UBE2V2: variants seen among roughly 807,000 people sequenced by gnomAD.
UBE2V2 encodes the protein ubiquitin conjugating enzyme E2 V2.
In UBE2V2, 9 loss-of-function variants were observed where a neutral mutation model predicts 17.2. The ratio of observed to expected loss-of-function variants is 0.52; its 90% CI spans 0.32 to 0.91. UBE2V2 has a LOEUF of 0.91. Ranked by LOEUF, UBE2V2 falls within the 40% of genes least tolerant of loss-of-function variation. The pLI, the probability that UBE2V2 is intolerant of heterozygous loss-of-function variation, is 0.04. For missense variants in UBE2V2, 133 were observed against 182.6 expected, an observed-to-expected ratio of 0.73 and a Z score of 1.56; for synonymous variants, 61 against 57.5, an observed-to-expected ratio of 1.06 and a Z score of -0.28.
At chr8:48,055,854 G>A (rs2091568233) in intron 3 of UBE2V2, among the ~76,000 whole-genome samples, 1 of 150,984 alleles carries the variant, frequency 6.6e-6, no homozygotes, top group African/African-American at 2.4e-5. Context: ...TGCCTCCTGG[G>A]TTCATGCCAT....
intron 1 of UBE2V2, among the ~76,000 whole-genome samples, chr8:48,029,572 G>C (rs979513709): frequency 6.6e-6 from 1 of 152,158 alleles, no homozygotes; most frequent in Admixed American, 6.6e-5. Flanking sequence ...TTCTTTGGAA[G>C]TAGTATAATT....
intron 1 of UBE2V2, among the ~76,000 whole-genome samples, chr8:48,018,156 C>T (rs2091282912): frequency 6.6e-6 from 1 of 152,018 alleles, no homozygotes; most frequent in East Asian, 1.9e-4. Flanking sequence ...CCAATTTTGC[C>T]ACTTCTGTTC....
intron 1 of UBE2V2, among the ~76,000 whole-genome samples, chr8:48,012,940 G>A (rs1432185906): frequency 6.6e-6 from 1 of 151,626 alleles, no homozygotes; most frequent in Non-Finnish European, 1.5e-5. Flanking sequence ...CTGCCTCCTG[G>A]GTTCAAGTGA....
At chr8:48,047,587 T>C (rs1338172477) in intron 2 of UBE2V2, among the ~76,000 whole-genome samples, 2 of 151,992 alleles carry the variant, frequency 1.3e-5, no homozygotes, top group Non-Finnish European at 1.5e-5. Context: ...TGAGACAGTC[T>C]TGCTTTGCCA....
At chr8:48,054,177 C>G (rs2091557545) in intron 3 of UBE2V2, among the ~76,000 whole-genome samples, 1 of 152,186 alleles carries the variant, frequency 6.6e-6, no homozygotes, top group Admixed American at 6.6e-5. Context: ...TTCTTACTCT[C>G]AATTGCAATG....
At chr8:48,034,861 C>A in intron 1 of UBE2V2, 1 of 174,620 alleles carries the variant, frequency 5.7e-6, no homozygotes, top group Non-Finnish European at 1.1e-5. Flanking sequence ...GCTGGTTTCA[C>A]TTAGAGTCAC....
intron 2 of UBE2V2, among the ~76,000 whole-genome samples, chr8:48,048,848 T>C (rs537339745): frequency 6.6e-6 from 1 of 152,128 alleles, no homozygotes; most frequent in South Asian, 2.1e-4. Flanking sequence ...ATTAAATTTT[T>C]CACTTTCATT....
intron 3 of UBE2V2, among the ~76,000 whole-genome samples, chr8:48,051,943 T>G (rs1200475015): frequency 6.6e-6 from 1 of 152,220 alleles, no homozygotes; most frequent in Non-Finnish European, 1.5e-5. Context: ...CTCACAGTCC[T>G]CAGTTGGTCA....
At chr8:48,032,925 G>A (rs946210858) in intron 1 of UBE2V2, among the ~76,000 whole-genome samples, 2 of 152,116 alleles carry the variant, frequency 1.3e-5, no homozygotes, top group African/African-American at 4.8e-5. Flanking sequence ...CCTGAGTGTA[G>A]AACTGTGGTG....
At position 48,049,019 on chromosome 8, in the gene UBE2V2, A is replaced by G. The variant is rs535194882; in HGVS notation, c.166-834A>G. ...ACTTTGCTGTTTTAATGGTACACTAATAAGTTAACAGAGTGAACAAAAGCC... is the reference window on the plus strand; with the variant it reads ...ACTTTGCTGTTTTAATGGTACACTAGTAAGTTAACAGAGTGAACAAAAGCC... On this transcript the variant is annotated intron_variant, in intron 2 of 3. Transcript: ENST00000523111. Among the ~76,000 whole-genome samples the G allele has an allele frequency of 2.6e-5, 4 of 152,284 alleles. No individual in the cohort carries two copies. The East Asian group carries it at 7.7e-4, about 29-fold the overall frequency.
intron 1 of UBE2V2, among the ~76,000 whole-genome samples, chr8:48,016,529 C>A (rs1214853013): frequency 6.6e-6 from 1 of 151,952 alleles, no homozygotes; most frequent in Non-Finnish European, 1.5e-5. Flanking sequence ...GTTGCCCAGG[C>A]TGGAGTGCAA....
intron 1 of UBE2V2, among the ~76,000 whole-genome samples, chr8:48,025,840 TC>T (rs1198697265): frequency 6.6e-6 from 1 of 151,984 alleles, no homozygotes; most frequent in Non-Finnish European, 1.5e-5. Context: ...GACCTCGTGA[TC>T]CGCCTGCCTT....
chr8:48,024,040 G>T (rs2091322877), intron 1 of UBE2V2, among the ~76,000 whole-genome samples: 1 of 152,144 alleles, frequency 6.6e-6, no homozygotes, highest in Non-Finnish European at 1.5e-5. Flanking sequence ...TAAAGTCTTA[G>T]CTGATTTGTG....
intron 1 of UBE2V2, among the ~76,000 whole-genome samples, chr8:48,013,848 G>A (rs916989111): frequency 1.2e-4 from 18 of 152,156 alleles, no homozygotes; most frequent in African/African-American, 4.1e-4. Flanking sequence ...GCAGTGTTCT[G>A]AGTTCCCTGC....
rs71225699 is a variant in UBE2V2, at chr8:48,040,844, G to GTTTT, written c.17-2170_17-2167dup. ...GGTTTCATCATGTTGGCCAGGCTGG[G>GTTTT]TTTTTTTTTTTTTTTTTTTTTTGTG... On this transcript the variant is annotated intron_variant, in intron 1 of 3. Transcript: ENST00000523111. Among the ~76,000 whole-genome samples the GTTTT allele has an allele frequency of 6.6e-3, 490 of 74,122 alleles. 1 individual carries two copies. Among genetic ancestry groups the GTTTT allele is most frequent in the African/African-American group, 0.01 (190 of 18,612 alleles). The allele number at this position is 74,122 out of a possible 152,430, so 48.6% of individuals were successfully genotyped here. A position where few individuals can be genotyped will look rare whatever the true frequency, so the allele number is the denominator to read the frequency against.
chr8:48,009,323 T>TGGTG (rs999073851), intron 1 of UBE2V2, among the ~76,000 whole-genome samples: 6 of 150,588 alleles, frequency 4.0e-5, no homozygotes, highest in Non-Finnish European at 8.9e-5. Context: ...TGGAATGCAG[T>TGGTG]GGTGTGATCT....
At chr8:48,015,199 A>G (rs1382245915) in intron 1 of UBE2V2, among the ~76,000 whole-genome samples, 1 of 152,024 alleles carries the variant, frequency 6.6e-6, no homozygotes, top group Non-Finnish European at 1.5e-5. Context: ...GCAATACAAG[A>G]AAATCCCATC....
chr8:48,009,267 C>CTTTTTTTTT (rs143794770), intron 1 of UBE2V2, among the ~76,000 whole-genome samples: 1 of 133,802 alleles, frequency 7.5e-6, no homozygotes, highest in African/African-American at 2.7e-5. Flanking sequence ...CTTTTCTTTT[C>CTTTTTTTTT]TTTTTTTTTT....
intron 1 of UBE2V2, among the ~76,000 whole-genome samples, chr8:48,041,562 C>T (rs956266513): frequency 6.6e-6 from 1 of 152,092 alleles, no homozygotes; most frequent in Non-Finnish European, 1.5e-5. Context: ...ATTTAGTAAA[C>T]CCATTTCTAC....
Sources: allele counts gnomAD v4.1 joint callset (sites outside exome capture counted in the v4.1 genomes callset), GRCh38; gene constraint gnomAD v4.1.1; transcripts MANE v1.5; gene names NCBI Gene and HGNC (gene_info 2026-07-23, HGNC 2026-07-21).